CATSPERB: variants seen among roughly 807,000 people sequenced by gnomAD.
CATSPERB encodes cation channel sperm-associated auxiliary subunit beta.
A neutral mutation model predicts 128.3 loss-of-function variants in CATSPERB; 93 were observed. The ratio of observed to expected loss-of-function variants is 0.72; its 90% CI spans 0.61 to 0.86. The LOEUF is 0.86. Among genes scored for constraint, CATSPERB ranks in the 40% least tolerant of loss-of-function variants. The probability of loss-of-function intolerance (pLI) is 0.00; values close to 1 mark genes in which losing one functional copy is unlikely to be tolerated. For missense variants in CATSPERB, 1,153 were observed against 1,329.5 expected, an observed-to-expected ratio of 0.87 and a Z score of 2.06; for synonymous variants, 381 against 448.8, an observed-to-expected ratio of 0.85 and a Z score of 1.91.
chr14:91,707,516 A>G (rs2139857076), intron 6 of CATSPERB, among the ~76,000 whole-genome samples: 1 of 151,484 alleles, frequency 6.6e-6, no homozygotes, highest in East Asian at 1.9e-4. Context: ...AATATAATCA[A>G]CTTTATAAGC....
intron 14 of CATSPERB, among the ~76,000 whole-genome samples, chr14:91,666,105 T>G (rs1258191886): frequency 6.6e-6 from 1 of 152,136 alleles, no homozygotes; most frequent in Admixed American, 6.6e-5. Context: ...CTACTCTAGA[T>G]CTCTTGAACT....
chr14:91,669,766 G>C, intron 14 of CATSPERB, 48 bp downstream of exon 14: 1 of 1,548,150 alleles, frequency 6.5e-7, no homozygotes, highest in Non-Finnish European at 8.8e-7. Context: ...GCATACAGTA[G>C]GTGGATGATT....
At chr14:91,585,327 G>A (rs755861151) in intron 26 of CATSPERB, among the ~76,000 whole-genome samples, 1 of 151,988 alleles carries the variant, frequency 6.6e-6, no homozygotes, top group Admixed American at 6.6e-5. Context: ...CTCCTTCATG[G>A]ACACTGATAA....
chr14:91,598,246 GT>G (rs1223601606), intron 22 of CATSPERB, among the ~76,000 whole-genome samples: 1 of 149,446 alleles, frequency 6.7e-6, no homozygotes, highest in African/African-American at 2.5e-5. Flanking sequence ...CTTTTACCTT[GT>G]TTTATATATA....
At chr14:91,595,871 G>T (rs1169595013) in intron 22 of CATSPERB, among the ~76,000 whole-genome samples, 1 of 152,156 alleles carries the variant, frequency 6.6e-6, no homozygotes, top group Non-Finnish European at 1.5e-5. Flanking sequence ...GAGAAATCAG[G>T]TAGAGGGAAA....
intron 7 of CATSPERB, among the ~76,000 whole-genome samples, chr14:91,700,112 G>A (rs1435749407): frequency 1.3e-5 from 2 of 151,906 alleles, no homozygotes; most frequent in Admixed American, 6.6e-5. Context: ...GGCCCGGTGT[G>A]TGATGTTCCC....
chr14:91,589,724 C>G (rs1397045662), intron 23 of CATSPERB, 55 bp from the exon 24 acceptor site: 1 of 1,557,174 alleles, frequency 6.4e-7, no homozygotes, highest in African/African-American at 1.4e-5. Context: ...ATAGTCACTT[C>G]ATTTCCTGGT....
At chr14:91,637,240 G>A (rs1372158880) in intron 16 of CATSPERB, among the ~76,000 whole-genome samples, 1 of 152,176 alleles carries the variant, frequency 6.6e-6, no homozygotes, top group Non-Finnish European at 1.5e-5. Context: ...TATGAGACAA[G>A]GTGTGGGTGG....
At chr14:91,642,898 G>A (rs1216640788) in intron 15 of CATSPERB, among the ~76,000 whole-genome samples, 2 of 139,468 alleles carry the variant, frequency 1.4e-5, no homozygotes, top group Non-Finnish European at 3.1e-5. Flanking sequence ...CCTGTTATTG[G>A]TCTATTCAGA....
intron 22 of CATSPERB, among the ~76,000 whole-genome samples, chr14:91,603,779 T>C (rs892698704): frequency 1.3e-5 from 2 of 152,020 alleles, no homozygotes; most frequent in African/African-American, 4.8e-5. Flanking sequence ...CCAGATCCCA[T>C]GAGAACTCTA....
intron 14 of CATSPERB, among the ~76,000 whole-genome samples, chr14:91,664,423 A>C: frequency 6.6e-6 from 1 of 151,056 alleles, no homozygotes; most frequent in African/African-American, 2.4e-5. Flanking sequence ...CTGCCACCAC[A>C]CCCAGCTAAT....
chr14:91,586,676 C>T (rs967570929), intron 26 of CATSPERB, among the ~76,000 whole-genome samples: 3 of 152,192 alleles, frequency 2.0e-5, no homozygotes. Flanking sequence ...CCATGCCTCA[C>T]AGGCAGCACA....
chr14:91,648,436 T>A (rs1894643714), intron 15 of CATSPERB, among the ~76,000 whole-genome samples: 1 of 152,226 alleles, frequency 6.6e-6, no homozygotes, highest in Admixed American at 6.5e-5. Context: ...TCTTAATTCC[T>A]CTACATGGAA....
At chr14:91,700,067 A>C (rs1451104834) in intron 7 of CATSPERB, among the ~76,000 whole-genome samples, 2 of 151,904 alleles carry the variant, frequency 1.3e-5, no homozygotes, top group African/African-American at 4.8e-5. Flanking sequence ...ATTTCTCCTA[A>C]TGCTATCCCT....
intron 15 of CATSPERB, among the ~76,000 whole-genome samples, chr14:91,639,973 C>A (rs1033432030): frequency 5.3e-5 from 8 of 149,820 alleles, no homozygotes; most frequent in Middle Eastern, 3.4e-3. Context: ...AGATCTCATT[C>A]AGTTTTAGGA....
rs749889198 is a variant in CATSPERB at position 91,725,116 on chromosome 14, A to T, written c.132T>A (p.Asn44Lys). 3.2e-6 allele frequency: 5 copies of T among 1,583,728 alleles called. No homozygotes were observed. The highest frequency in any genetic ancestry group is 1.7e-6 in the Non-Finnish European group (2 of 1,166,830). Residue 44 changes from asparagine (N) to lysine (K), a missense_variant, in exon 3 of 27, where the codon AAT (asparagine) becomes AAA (lysine). Transcript: ENST00000256343. ...AGAAAAGATACAACTTGATTATTTC[A>T]TTCTCTTGAGGGAACCCTTTGTTAG... is the stretch of plus-strand genomic sequence containing the variant. ...ACSNKGFPQE[N>K]EIIKLYLFLE...
chr14:91,639,366 G>A (rs947788573), intron 15 of CATSPERB, 116 bp from the exon 16 acceptor site: 113 of 803,768 alleles, frequency 1.4e-4, no homozygotes, highest in Non-Finnish European at 2.0e-4. Context: ...GTAGGGCCCT[G>A]AGACTCCTGA....
At chr14:91,685,503 G>C (rs1486753107) in intron 10 of CATSPERB, among the ~76,000 whole-genome samples, 1 of 152,162 alleles carries the variant, frequency 6.6e-6, no homozygotes, top group Admixed American at 6.5e-5. Flanking sequence ...AGGCCGTGTG[G>C]TAATTTATCG....
chr14:91,692,357 C>A (rs114081360), intron 9 of CATSPERB, among the ~76,000 whole-genome samples: 156 of 152,184 alleles, frequency 1.0e-3, no homozygotes, highest in African/African-American at 3.6e-3. Flanking sequence ...TACTTCTCTG[C>A]ACTTTGATTT....
Sources: allele counts gnomAD v4.1 joint callset (sites outside exome capture counted in the v4.1 genomes callset), GRCh38; gene constraint gnomAD v4.1.1; transcripts MANE v1.5; gene names NCBI Gene and HGNC (gene_info 2026-07-23, HGNC 2026-07-21).